The following RABGAP1L variants were observed in gnomAD, a reference collection of about 807,000 sequenced individuals.
RABGAP1L encodes the protein RAB GTPase activating protein 1 like.
In RABGAP1L, 63 loss-of-function variants were observed where a neutral mutation model predicts 137.7. The observed-to-expected ratio is 0.46, with a 90% CI of 0.37 to 0.56. RABGAP1L has a LOEUF of 0.56. RABGAP1L is among the 20% of genes least tolerant of loss of function. The probability of loss-of-function intolerance (pLI) is 0.00; values close to 1 mark genes in which losing one functional copy is unlikely to be tolerated. For missense variants in RABGAP1L, 1,095 were observed against 1,244.0 expected (o/e 0.88, Z 1.80); for synonymous variants, 431 against 433.7 (o/e 0.99, Z 0.08).
At chr1:174,905,059 A>G (rs1442835365) in intron 19 of RABGAP1L, among the ~76,000 whole-genome samples, 1 of 152,198 alleles carries the variant, frequency 6.6e-6, no homozygotes, top group Admixed American at 6.5e-5. Flanking sequence ...ATCATGCACT[A>G]GCGTCAAGGT....
At chr1:174,730,315 A>G (rs930610206) in intron 17 of RABGAP1L, among the ~76,000 whole-genome samples, 1 of 152,174 alleles carries the variant, frequency 6.6e-6, no homozygotes, top group Admixed American at 6.5e-5. Context: ...CTAATAGAGG[A>G]GGGGAGGAAA....
intron 13 of RABGAP1L, among the ~76,000 whole-genome samples, chr1:174,468,000 G>C (rs901742751): frequency 6.6e-6 from 1 of 151,944 alleles, no homozygotes; most frequent in Non-Finnish European, 1.5e-5. Context: ...GAAATCTTAG[G>C]GTTGAAAGAA....
intron 13 of RABGAP1L, among the ~76,000 whole-genome samples, chr1:174,599,990 A>T (rs529867885): frequency 6.6e-6 from 1 of 152,148 alleles, no homozygotes; most frequent in Admixed American, 6.6e-5. Flanking sequence ...GCTGATAAAG[A>T]CATACCCAAG....
chr1:174,797,608 T>TAGTGTGG (rs1274430230), intron 18 of RABGAP1L, among the ~76,000 whole-genome samples: 1 of 107,204 alleles, frequency 9.3e-6, no homozygotes, highest in South Asian at 3.4e-4. Flanking sequence ...TGTGGGCGTG[T>TAGTGTGG]AGTGTGGAGT....
intron 21 of RABGAP1L, among the ~76,000 whole-genome samples, chr1:174,974,693 CA>C (rs1558298151): frequency 6.6e-6 from 1 of 152,202 alleles, no homozygotes; most frequent in South Asian, 2.1e-4. Flanking sequence ...GATCTGCAAA[CA>C]AAGCTCTAAC....
At chr1:174,762,584 G>T (rs930278668) in intron 18 of RABGAP1L, among the ~76,000 whole-genome samples, 2 of 152,180 alleles carry the variant, frequency 1.3e-5, no homozygotes, top group African/African-American at 2.4e-5. Context: ...TGGTTGGTTG[G>T]TTGTTGTCTT....
chr1:174,299,349 G>C (rs1345527548), intron 10 of RABGAP1L, among the ~76,000 whole-genome samples: 2 of 151,876 alleles, frequency 1.3e-5, no homozygotes, highest in African/African-American at 4.9e-5. Flanking sequence ...CTGACCACAG[G>C]TCAGGAACTC....
At chr1:174,509,806 AG>A (rs1356053238) in intron 13 of RABGAP1L, among the ~76,000 whole-genome samples, 5 of 152,210 alleles carry the variant, frequency 3.3e-5, no homozygotes, top group African/African-American at 4.8e-5. Flanking sequence ...CTCTTCACAC[AG>A]CCTTCACTAC....
At chr1:174,239,975 G>A (rs917307058) in intron 4 of RABGAP1L, among the ~76,000 whole-genome samples, 4 of 152,236 alleles carry the variant, frequency 2.6e-5, no homozygotes, top group African/African-American at 7.2e-5. Context: ...TTCAGGAAAG[G>A]GTTTGCATGT....
chr1:174,344,024 T>C (rs781114070), intron 11 of RABGAP1L, among the ~76,000 whole-genome samples: 9 of 152,188 alleles, frequency 5.9e-5, no homozygotes, highest in Non-Finnish European at 1.0e-4. Flanking sequence ...GCAGCTTTAC[T>C]TGGTGTGGTG....
intron 15 of RABGAP1L, among the ~76,000 whole-genome samples, chr1:174,690,675 A>G (rs961048106): frequency 2.6e-5 from 4 of 152,208 alleles, no homozygotes; most frequent in African/African-American, 9.6e-5. Flanking sequence ...TATGGCTTAT[A>G]CATTGACATT....
intron 18 of RABGAP1L, among the ~76,000 whole-genome samples, chr1:174,784,699 G>T (rs1171325976): frequency 6.6e-6 from 1 of 152,314 alleles, no homozygotes; most frequent in Admixed American, 6.5e-5. Flanking sequence ...GAAAGCAAAA[G>T]CAAAATCAAA....
intron 19 of RABGAP1L, among the ~76,000 whole-genome samples, chr1:174,868,104 A>G (rs1226824362): frequency 6.6e-6 from 1 of 151,000 alleles, no homozygotes; most frequent in South Asian, 2.1e-4. Context: ...GTAGGCACCC[A>G]CCACCATGAC....
At chr1:174,913,443 A>G (rs1027897648) in intron 19 of RABGAP1L, among the ~76,000 whole-genome samples, 1 of 152,222 alleles carries the variant, frequency 6.6e-6, no homozygotes, top group Non-Finnish European at 1.5e-5. Flanking sequence ...ACTGTCGATT[A>G]GGACAGGCAG....
At chr1:174,349,935 A>C in intron 11 of RABGAP1L, among the ~76,000 whole-genome samples, 2 of 113,736 alleles carry the variant, frequency 1.8e-5, no homozygotes, top group Admixed American at 8.9e-5. Flanking sequence ...TCCCTCCCGG[A>C]CGGGGCGGCT....
chr1:174,783,707 C>CTTTTTTTTTTTTTTTTTTTTTT (rs34367315), intron 18 of RABGAP1L, among the ~76,000 whole-genome samples: 3 of 102,476 alleles, frequency 2.9e-5, no homozygotes, highest in East Asian at 2.7e-4. Flanking sequence ...TCTTCTTCTT[C>CTTTTTTTTTTTTTTTTTTTTTT]TTTTTTTTTT....
chr1:174,632,243 G>A (rs1255362247), intron 13 of RABGAP1L, among the ~76,000 whole-genome samples: 4 of 143,628 alleles, frequency 2.8e-5, no homozygotes, highest in East Asian at 2.0e-4. Flanking sequence ...CTGGCTTGTA[G>A]GGTTTCTGCC....
intron 13 of RABGAP1L, among the ~76,000 whole-genome samples, chr1:174,529,019 C>A (rs1309664177): frequency 1.3e-5 from 2 of 148,684 alleles, no homozygotes; most frequent in African/African-American, 5.0e-5. Context: ...ATATCTATCT[C>A]TTTGGTATAT....
chr1:174,974,539 T>C (rs1670478558), intron 21 of RABGAP1L, among the ~76,000 whole-genome samples: 1 of 152,254 alleles, frequency 6.6e-6, no homozygotes, highest in African/African-American at 2.4e-5. Flanking sequence ...GTGTTCATAT[T>C]GCATTCTCAA....
Sources: gnomAD v4.1 joint callset for allele counts (sites outside exome capture counted in the v4.1 genomes callset) on GRCh38, gnomAD v4.1.1 for gene constraint, MANE v1.5 for transcripts, NCBI Gene and HGNC (gene_info 2026-07-23, HGNC 2026-07-21) for gene names.